STK39: variants seen among roughly 807,000 people sequenced by gnomAD.
STK39 encodes the protein STE20/SPS1-related proline-alanine-rich protein kinase.
STK39 carries 20 observed loss-of-function variants against 77.8 expected under a neutral mutation model. That is an observed-to-expected ratio of 0.26 (90% CI 0.18 to 0.37). The LOEUF (loss-of-function observed/expected upper bound fraction) is 0.37. Among genes scored for constraint, STK39 ranks in the 10% least tolerant of loss-of-function variants. STK39 has a pLI of 1.00. For synonymous variants in STK39, 246 were observed against 234.1 expected, an observed-to-expected ratio of 1.05 and a Z score of -0.47; for missense variants, 479 against 656.5, an observed-to-expected ratio of 0.73 and a Z score of 2.95.
intron 10 of STK39, among the ~76,000 whole-genome samples, chr2:168,082,179 A>C (rs1441991233): frequency 6.6e-6 from 1 of 152,166 alleles, no homozygotes; most frequent in East Asian, 1.9e-4. Flanking sequence ...CCTTCCTTCA[A>C]GACACTTATA....
At chr2:168,021,219 C>T (rs1264198336) in intron 14 of STK39, among the ~76,000 whole-genome samples, 1 of 152,080 alleles carries the variant, frequency 6.6e-6, no homozygotes, top group Non-Finnish European at 1.5e-5. Context: ...TATGCATATC[C>T]TGATGCTTCA....
At chr2:168,103,990 C>T (rs1007459554) in intron 10 of STK39, among the ~76,000 whole-genome samples, 3 of 152,120 alleles carry the variant, frequency 2.0e-5, no homozygotes, top group Non-Finnish European at 2.9e-5. Flanking sequence ...TGCATAGAAA[C>T]AGCTACCATA....
chr2:168,105,148 T>C (rs1450157645), intron 10 of STK39, among the ~76,000 whole-genome samples: 1 of 152,206 alleles, frequency 6.6e-6, no homozygotes, highest in African/African-American at 2.4e-5. Flanking sequence ...TGACAGTGGT[T>C]AGGCAGGTTG....
intron 16 of STK39, among the ~76,000 whole-genome samples, chr2:167,992,367 G>C (rs1037439776): frequency 7.3e-5 from 11 of 151,640 alleles, no homozygotes; most frequent in Non-Finnish European, 1.5e-4. Context: ...GGCAAGATCA[G>C]AGCTGTAGGC....
chr2:168,041,898 A>C (rs1336371341), intron 14 of STK39, among the ~76,000 whole-genome samples: 2 of 152,152 alleles, frequency 1.3e-5, no homozygotes. Flanking sequence ...CATTTTTTGC[A>C]ACAGTAGGTC....
intron 5 of STK39, among the ~76,000 whole-genome samples, chr2:168,160,452 A>T (rs149182958): frequency 3.7e-4 from 56 of 152,324 alleles, no homozygotes; most frequent in African/African-American, 1.2e-3. Context: ...TAGTAACAGA[A>T]GTAATAGTAG....
intron 2 of STK39, among the ~76,000 whole-genome samples, chr2:168,174,915 GA>G (rs1688919283): frequency 6.6e-6 from 1 of 151,552 alleles, no homozygotes; most frequent in Non-Finnish European, 1.5e-5. Context: ...TGTACTGCTG[GA>G]AACCTAGAGG....
rs139245717 is a variant in STK39 at position 168,069,998 on chromosome 2, C to T, written c.1243-4617G>A. 3.0e-3 allele frequency among the ~76,000 whole-genome samples: 450 copies of T among 152,094 alleles called. 1 individual carries two copies. Among genetic ancestry groups the T allele is most frequent in the African/African-American group, 0.01 (430 of 41,476 alleles). Reference sequence around the variant, plus strand: ...TTATGTAGAAAATTAGGATATAATGCAAAATTGACAGAAAGTCATAAAACA... The same window carrying T: ...TTATGTAGAAAATTAGGATATAATGTAAAATTGACAGAAAGTCATAAAACA... On this transcript the variant is annotated intron_variant, in intron 12 of 17. Transcript: ENST00000355999.
At chr2:168,070,233 A>C (rs1685903579) in intron 12 of STK39, among the ~76,000 whole-genome samples, 1 of 152,132 alleles carries the variant, frequency 6.6e-6, no homozygotes, top group Admixed American at 6.6e-5. Context: ...CTTTACTTTT[A>C]TGAAATTCCC....
intron 10 of STK39, among the ~76,000 whole-genome samples, chr2:168,088,311 G>A (rs1686424767): frequency 6.6e-6 from 1 of 152,150 alleles, no homozygotes; most frequent in Non-Finnish European, 1.5e-5. Flanking sequence ...TCAGCTTACA[G>A]TTCCTGGATA....
chr2:168,015,935 A>G (rs1176660921), intron 15 of STK39, among the ~76,000 whole-genome samples: 1 of 152,082 alleles, frequency 6.6e-6, no homozygotes. Flanking sequence ...CTTTATGTCC[A>G]TTTATTTATT....
intron 1 of STK39, among the ~76,000 whole-genome samples, chr2:168,212,009 A>G (rs1179124437): frequency 6.6e-6 from 1 of 152,268 alleles, no homozygotes; most frequent in African/African-American, 2.4e-5. Context: ...TTCCACAGAA[A>G]GAATGAGACA....
At chr2:168,073,722 G>A (rs766170668) in intron 12 of STK39, among the ~76,000 whole-genome samples, 9 of 152,064 alleles carry the variant, frequency 5.9e-5, no homozygotes, top group Admixed American at 2.0e-4. Flanking sequence ...TCCACTTCCC[G>A]GGTTCGAGCA....
intron 14 of STK39, among the ~76,000 whole-genome samples, chr2:168,041,958 T>C (rs1362754532): frequency 6.6e-6 from 1 of 152,206 alleles, no homozygotes; most frequent in African/African-American, 2.4e-5. Flanking sequence ...AACCAAGAGA[T>C]AAATTCCACT....
intron 8 of STK39, among the ~76,000 whole-genome samples, chr2:168,133,211 T>C (rs1687746098): frequency 6.6e-6 from 1 of 152,046 alleles, no homozygotes; most frequent in Non-Finnish European, 1.5e-5. Context: ...GCTGGGAAAA[T>C]ACTTTGCCTT....
intron 14 of STK39, among the ~76,000 whole-genome samples, chr2:168,033,006 G>A (rs190691330): frequency 1.4e-3 from 209 of 152,334 alleles, no homozygotes; most frequent in Non-Finnish European, 2.5e-3. Context: ...CAGAATTCAA[G>A]AGATGGGTCA....
chr2:168,168,475 T>C (rs1688742245), intron 2 of STK39, among the ~76,000 whole-genome samples: 2 of 152,240 alleles, frequency 1.3e-5, no homozygotes, highest in East Asian at 1.9e-4. Flanking sequence ...TATGTATTGA[T>C]GAAAGAAGGG....
chr2:168,026,743 T>G (rs890274189), intron 14 of STK39, among the ~76,000 whole-genome samples: 6 of 152,240 alleles, frequency 3.9e-5, no homozygotes, highest in Admixed American at 2.0e-4. Flanking sequence ...GACGGGAAAG[T>G]GTCTTCCATG....
intron 1 of STK39, among the ~76,000 whole-genome samples, chr2:168,193,631 C>A (rs1689395769): frequency 6.6e-6 from 1 of 152,212 alleles, no homozygotes; most frequent in Non-Finnish European, 1.5e-5. Flanking sequence ...TACCATGAGT[C>A]GGAGCCTGGC....
Sources: allele counts gnomAD v4.1 joint callset (sites outside exome capture counted in the v4.1 genomes callset), GRCh38; gene constraint gnomAD v4.1.1; transcripts MANE v1.5; gene names NCBI Gene and HGNC (gene_info 2026-07-23, HGNC 2026-07-21).